The following CMTR1 variants were observed in gnomAD, a reference collection of about 807,000 sequenced individuals.
CMTR1 encodes cap-specific mRNA (nucleoside-2'-O-)-methyltransferase 1.
Under a neutral mutation model 107.0 loss-of-function variants are expected in CMTR1, and 39 were observed. The ratio of observed to expected loss-of-function variants is 0.36; its 90% CI spans 0.28 to 0.48. The LOEUF is 0.48. Ranked by LOEUF, CMTR1 falls within the 20% of genes least tolerant of loss-of-function variation. The probability of loss-of-function intolerance (pLI) is 0.99; values close to 1 mark genes in which losing one functional copy is unlikely to be tolerated. For synonymous variants in CMTR1, 366 were observed against 379.5 expected (o/e 0.96, Z 0.41); for missense variants, 672 against 1,064.9 (o/e 0.63, Z 5.14).
At position 37,462,964 on chromosome 6, in the gene CMTR1, G is replaced by A; in HGVS notation, c.1461G>A (p.Lys487=). 7 of 1,614,146 alleles carry A rather than the reference G, an allele frequency of 4.3e-6. No homozygotes were observed. The highest frequency in any genetic ancestry group is 5.9e-6 in the Non-Finnish European group (7 of 1,180,010). The change falls in exon 13 of 24, where the codon AAG becomes AAA. Residue 487 remains lysine (K), a synonymous_variant. Transcript: ENST00000373451. ...TGGTGGTCCCCCTGGAGGTGATCAA[G>A]GGAGACCATGAATTTACTGACTACA... ...VNLVVPLEVI[K]GDHEFTDYMI... is the part of the protein sequence containing the mutation.
intron 18 of CMTR1, 52 bp downstream of exon 18, chr6:37,474,698 G>A (rs1761702218): frequency 1.9e-6 from 3 of 1,602,350 alleles, no homozygotes; most frequent in Admixed American, 1.7e-5. Flanking sequence ...GGACTAGGGG[G>A]CTGCTGAACC....
intron 23 of CMTR1, 70 bp from the exon 24 acceptor site, chr6:37,479,943 C>T: frequency 7.2e-7 from 1 of 1,392,590 alleles, no homozygotes; most frequent in Non-Finnish European, 9.5e-7. Context: ...CGCCCCACAC[C>T]CTTAAGAACA....
chr6:37,447,389 T>C (rs1215303947), intron 4 of CMTR1, among the ~76,000 whole-genome samples: 1 of 152,152 alleles, frequency 6.6e-6, no homozygotes, highest in Non-Finnish European at 1.5e-5. Flanking sequence ...GTTGTGGGCG[T>C]TGAGACCAGC....
intron 2 of CMTR1, among the ~76,000 whole-genome samples, chr6:37,437,516 C>CAAAA (rs35749564): frequency 8.4e-6 from 1 of 118,388 alleles, no homozygotes; most frequent in South Asian, 3.0e-4. Context: ...GAGTCCGTCT[C>CAAAA]AAAAAAAAAA....
intron 23 of CMTR1, 25 bp downstream of exon 23, chr6:37,479,280 C>T (rs1444904804): frequency 6.0e-6 from 9 of 1,499,518 alleles, no homozygotes; most frequent in Non-Finnish European, 7.4e-6. Context: ...TCCAAGCCTG[C>T]CCTCCTTAGC....
intron 23 of CMTR1, 94 bp from the exon 24 acceptor site, chr6:37,479,919 T>C (rs1761820430): frequency 1.6e-6 from 2 of 1,250,378 alleles, no homozygotes; most frequent in Admixed American, 3.0e-5. Context: ...ACTAAAGTCA[T>C]TGACAGACCC....
intron 13 of CMTR1, among the ~76,000 whole-genome samples, chr6:37,470,099 T>C (rs1224794689): frequency 2.6e-5 from 4 of 152,158 alleles, no homozygotes; most frequent in African/African-American, 4.8e-5. Context: ...TTTAAAAATA[T>C]AGTTTCTATA....
intron 2 of CMTR1, among the ~76,000 whole-genome samples, chr6:37,440,118 A>G (rs912024232): frequency 6.6e-6 from 1 of 152,206 alleles, no homozygotes; most frequent in African/African-American, 2.4e-5. Flanking sequence ...AAAACCGTAC[A>G]TACTGTTTTG....
chr6:37,460,850 G>A (rs1761389142), intron 10 of CMTR1, among the ~76,000 whole-genome samples: 1 of 152,152 alleles, frequency 6.6e-6, no homozygotes, highest in Non-Finnish European at 1.5e-5. Context: ...ACAACACTGT[G>A]CCACCTGATG....
Position 37,471,062 on chromosome 6 carries a change from C to A in CMTR1, c.1547C>A (p.Ala516Asp). The A allele has an allele frequency of 6.2e-7, 1 of 1,607,224 alleles. No homozygotes were observed. The highest frequency in any genetic ancestry group is 8.5e-7 in the Non-Finnish European group (1 of 1,176,774). ...ATCAAAGCTCTGGCGAAAATCCATG[C>A]CTTTGTTCAAGACACGTGAGTGTTG... ...LQIKALAKIH[A>D]FVQDTTLSEP... The change falls in exon 14 of 24, where the codon GCC (alanine) becomes GAC (aspartate). Residue 516 changes from alanine to aspartate, a missense_variant. Physicochemically the swap from Ala to Asp is moderately radical, Grantham distance 126. Coordinates refer to ENST00000373451, the MANE Select transcript of CMTR1 (RefSeq NM_015050.3).
intron 19 of CMTR1, chr6:37,475,717 GGT>G (rs1467978751): frequency 1.4e-5 from 7 of 510,796 alleles, no homozygotes; most frequent in African/African-American, 1.3e-4. Context: ...GGGTAGAGGG[GGT>G]ACTCCTTGGA....
At chr6:37,463,975 C>A (rs1472540454) in intron 13 of CMTR1, among the ~76,000 whole-genome samples, 2 of 152,166 alleles carry the variant, frequency 1.3e-5, no homozygotes, top group African/African-American at 4.8e-5. Flanking sequence ...TTTGGCTGAA[C>A]AAGTGTGCAT....
chr6:37,451,001 C>G (rs1186616559), intron 5 of CMTR1, among the ~76,000 whole-genome samples: 1 of 151,954 alleles, frequency 6.6e-6, no homozygotes, highest in Non-Finnish European at 1.5e-5. Context: ...TCTGTTAAGA[C>G]AGATGCTGAA....
Position 37,435,593 on chromosome 6 carries a change from G to A in CMTR1, c.-6-31G>A, listed in dbSNP as rs528308116. On this transcript the variant is annotated intron_variant, in intron 1 of 23. Transcript: ENST00000373451. ...GTGATCCCAGTGGCTGTGACCCAAGGGCAGCTGACTGACTGGATTTATGGT... is the reference window on the plus strand; with the variant it reads ...GTGATCCCAGTGGCTGTGACCCAAGAGCAGCTGACTGACTGGATTTATGGT... 2.5e-6 allele frequency: 4 copies of A among 1,586,840 alleles called. No homozygotes were observed. In the South Asian group the frequency reaches 3.5e-5, roughly 14 times the overall value.
chr6:37,479,813 T>C (rs1761818570), intron 23 of CMTR1, among the ~76,000 whole-genome samples, 200 bp from the exon 24 acceptor site: 1 of 152,208 alleles, frequency 6.6e-6, no homozygotes, highest in South Asian at 2.1e-4. Context: ...TGGATGCAAT[T>C]AGCAGCAACA....
At chr6:37,453,005 C>T in intron 6 of CMTR1, 42 bp from the exon 7 acceptor site, 1 of 1,588,638 alleles carries the variant, frequency 6.3e-7, no homozygotes, top group South Asian at 1.1e-5. Flanking sequence ...AGGTCCCTTT[C>T]CTATCCTGGA....
chr6:37,472,603 T>C lies in CMTR1; in HGVS notation c.1689+116T>C. The C allele has an allele frequency of 2.8e-6, 3 of 1,061,186 alleles. No homozygotes were observed. In the South Asian group the frequency reaches 3.9e-5, roughly 14 times the overall value. 65.7% of individuals were successfully genotyped at this position (1,061,186 alleles called of 1,614,324 possible). On this transcript the variant is annotated intron_variant, in intron 16 of 23. Coordinates refer to ENST00000373451, the MANE Select transcript of CMTR1 (RefSeq NM_015050.3). The surrounding 1 kb of genome is among the most constrained non-coding windows in gnomAD (Gnocchi z 4.1). The stretch of plus-strand genomic sequence containing the variant: ...AGAGGGCTTGTGCAGATGCCCACCA[T>C]GGGCTCTAAGGGGCGGAGCTAAGGC...
chr6:37,475,624 C>G (rs1761721457), intron 19 of CMTR1: 1 of 592,302 alleles, frequency 1.7e-6, no homozygotes, highest in Non-Finnish European at 3.0e-6. Flanking sequence ...CCCTGGTTAT[C>G]AGAGATACCA....
In CMTR1 at chr6:37,433,303, G is replaced by C. The variant is rs1432703093; in HGVS notation, c.-81G>C. ...AAACGAAACTGAGGGAGGAGGCGGC[G>C]GCTCTGGCAGCGGCGGCGACAGTGT... On this transcript the variant is annotated 5_prime_UTR_variant, in exon 1 of 24. Coordinates refer to ENST00000373451, the MANE Select transcript of CMTR1 (RefSeq NM_015050.3). 1 of 154,276 alleles carries C rather than the reference G, an allele frequency of 6.5e-6. No homozygotes were observed. Among genetic ancestry groups the C allele is most frequent in the Non-Finnish European group, 1.4e-5 (1 of 69,712 alleles). 9.6% of individuals were successfully genotyped at this position (154,276 alleles called of 1,614,324 possible).
Sources: allele counts gnomAD v4.1 joint callset (sites outside exome capture counted in the v4.1 genomes callset), GRCh38; gene constraint gnomAD v4.1.1; non-coding constraint Gnocchi (gnomAD v3.1); transcripts MANE v1.5; gene names NCBI Gene and HGNC (gene_info 2026-07-23, HGNC 2026-07-21).